The following OPCML variants were observed in gnomAD, a reference collection of about 807,000 sequenced individuals.
OPCML encodes opioid binding protein/cell adhesion molecule like, also known as opioid-binding protein/cell adhesion molecule.
A neutral mutation model predicts 37.8 loss-of-function variants in OPCML; 13 were observed. That is an observed-to-expected ratio of 0.34 (90% CI 0.22 to 0.55). The LOEUF is 0.55. Among genes scored for constraint, OPCML ranks in the 20% least tolerant of loss-of-function variants. The pLI is 0.91. For missense variants in OPCML, 341 were observed against 435.6 expected, an observed-to-expected ratio of 0.78 and a Z score of 1.93; for synonymous variants, 176 against 168.8, an observed-to-expected ratio of 1.04 and a Z score of -0.33.
At chr11:133,123,927 G>A (rs372494964) in intron 1 of OPCML, among the ~76,000 whole-genome samples, 117 of 152,242 alleles carry the variant, frequency 7.7e-4, no homozygotes, top group African/African-American at 2.8e-3. Flanking sequence ...CTCTGTGCCA[G>A]ACAAAAGCAG....
At chr11:132,889,818 A>G (rs1943575576) in intron 2 of OPCML, among the ~76,000 whole-genome samples, 1 of 152,258 alleles carries the variant, frequency 6.6e-6, no homozygotes, top group Non-Finnish European at 1.5e-5. Context: ...CAGTGCTGGC[A>G]TATAGGAGAT....
At chr11:132,696,793 T>C (rs759986190) in intron 2 of OPCML, among the ~76,000 whole-genome samples, 1 of 151,970 alleles carries the variant, frequency 6.6e-6, no homozygotes, top group Non-Finnish European at 1.5e-5. Flanking sequence ...AGTCCAACGC[T>C]GACCCATAAA....
At chr11:132,579,154 T>A (rs1331110210) in intron 3 of OPCML, among the ~76,000 whole-genome samples, 5 of 152,116 alleles carry the variant, frequency 3.3e-5, no homozygotes. Context: ...AGAGTATGCG[T>A]CATGACATCA....
chr11:133,305,430 G>T (rs1402993395), intron 1 of OPCML, among the ~76,000 whole-genome samples: 1 of 152,178 alleles, frequency 6.6e-6, no homozygotes, highest in African/African-American at 2.4e-5. Flanking sequence ...AGAACACAGA[G>T]AACTCAAATA....
chr11:132,643,251 T>G (rs576736045), intron 3 of OPCML, among the ~76,000 whole-genome samples: 2 of 152,272 alleles, frequency 1.3e-5, no homozygotes, highest in South Asian at 4.2e-4. Context: ...CACTCCAGCC[T>G]GGGTGACAGC....
chr11:133,303,933 C>T (rs1417360835), intron 1 of OPCML, among the ~76,000 whole-genome samples: 1 of 152,206 alleles, frequency 6.6e-6, no homozygotes, highest in Non-Finnish European at 1.5e-5. Flanking sequence ...AACTATACTG[C>T]TATCATTCTA....
chr11:133,005,482 A>G, intron 1 of OPCML: 1 of 985,312 alleles, frequency 1.0e-6, no homozygotes, highest in Non-Finnish European at 1.2e-6. Context: ...CTCTGTAGGG[A>G]GGTAGGGCAG....
intron 3 of OPCML, among the ~76,000 whole-genome samples, chr11:132,587,537 T>C (rs750417836): frequency 2.0e-5 from 3 of 152,202 alleles, no homozygotes; most frequent in Non-Finnish European, 4.4e-5. Context: ...CCAGTGATGC[T>C]GAGGATGTGA....
intron 1 of OPCML, among the ~76,000 whole-genome samples, chr11:133,370,193 G>A (rs1221662863): frequency 6.6e-6 from 1 of 152,132 alleles, no homozygotes; most frequent in Non-Finnish European, 1.5e-5. Context: ...GAGCATTAAA[G>A]TTATTGAGAA....
chr11:133,025,137 A>G (rs1947527558), intron 1 of OPCML: 1 of 572,752 alleles, frequency 1.7e-6, no homozygotes, highest in Non-Finnish European at 2.2e-6. Context: ...TTTGGGAGTA[A>G]TTAGAATGTT....
At chr11:133,293,514 A>T (rs540301409) in intron 1 of OPCML, among the ~76,000 whole-genome samples, 7 of 152,316 alleles carry the variant, frequency 4.6e-5, no homozygotes, top group African/African-American at 1.7e-4. Flanking sequence ...AATGCTGGCT[A>T]CTAAGTAATA....
intron 3 of OPCML, among the ~76,000 whole-genome samples, chr11:132,598,351 G>A (rs1255612271): frequency 6.6e-6 from 1 of 152,044 alleles, no homozygotes; most frequent in East Asian, 1.9e-4. Context: ...CCCCTTGCAG[G>A]CTACCTGGAA....
Position 133,177,670 on chromosome 11 carries a change from A to G in OPCML, c.62-234660T>C, listed in dbSNP as rs1346250104. On this transcript the variant is annotated intron_variant, in intron 1 of 7. Transcript: ENST00000524381. This position sits in a 1 kb window ranked among gnomAD's most constrained non-coding sequence, Gnocchi z 5.0. ...ATTCCCTCAAAGGGCAAGACTTCTC[A>G]GAAGCATCCAGTGAAATCGCAGTAA... Among the ~76,000 whole-genome samples the G allele has an allele frequency of 6.6e-6, 1 of 152,202 alleles. No homozygotes were observed. Among genetic ancestry groups the G allele is most frequent in the Non-Finnish European group, 1.5e-5 (1 of 68,044 alleles).
intron 2 of OPCML, among the ~76,000 whole-genome samples, chr11:132,931,440 C>T (rs1271368792): frequency 6.6e-6 from 1 of 152,014 alleles, no homozygotes; most frequent in Non-Finnish European, 1.5e-5. Context: ...GGTCAATATC[C>T]AGAATATATA....
intron 1 of OPCML, among the ~76,000 whole-genome samples, chr11:132,972,575 G>A (rs1292361677): frequency 6.6e-6 from 1 of 152,244 alleles, no homozygotes; most frequent in Non-Finnish European, 1.5e-5. Flanking sequence ...TTAAGCAGCT[G>A]TTGCAACATA....
chr11:133,078,182 G>A (rs1269579707), intron 1 of OPCML, among the ~76,000 whole-genome samples: 1 of 152,160 alleles, frequency 6.6e-6, no homozygotes, highest in African/African-American at 2.4e-5. Flanking sequence ...CCAAGCAGGG[G>A]TGTGGACGCA....
chr11:133,195,403 T>C (rs1938498480), intron 1 of OPCML, among the ~76,000 whole-genome samples: 1 of 152,322 alleles, frequency 6.6e-6, no homozygotes. Flanking sequence ...CCTGCACATG[T>C]ATGTGTGCCT....
At chr11:132,479,268 G>A (rs2137003493) in intron 4 of OPCML, among the ~76,000 whole-genome samples, 1 of 152,284 alleles carries the variant, frequency 6.6e-6, no homozygotes, top group Non-Finnish European at 1.5e-5. Context: ...GTGACAGACG[G>A]CACCTGGAAA....
intron 2 of OPCML, among the ~76,000 whole-genome samples, chr11:132,840,573 T>A (rs907231543): frequency 6.6e-6 from 1 of 152,182 alleles, no homozygotes. Context: ...TGGGGGCACA[T>A]GGGGCAAGTA....
Sources: allele counts gnomAD v4.1 joint callset (sites outside exome capture counted in the v4.1 genomes callset), GRCh38; gene constraint gnomAD v4.1.1; non-coding constraint Gnocchi (gnomAD v3.1); transcripts MANE v1.5; gene names NCBI Gene and HGNC (gene_info 2026-07-23, HGNC 2026-07-21).